The following CCSER1 variants were observed in gnomAD, a reference collection of about 807,000 sequenced individuals.
CCSER1 encodes coiled-coil serine rich protein 1.
CCSER1 carries 41 observed loss-of-function variants against 82.0 expected under a neutral mutation model. The ratio of observed to expected loss-of-function variants is 0.50; its 90% confidence interval spans 0.39 to 0.65. CCSER1 has a LOEUF of 0.65. Among genes scored for constraint, CCSER1 ranks in the 30% least tolerant of loss-of-function variants. The pLI, the probability that CCSER1 is intolerant of heterozygous loss-of-function variation, is 0.00. For synonymous variants in CCSER1, 414 were observed against 383.9 expected (o/e 1.08, Z -0.92); for missense variants, 1,119 against 1,064.2 (o/e 1.05, Z -0.72).
At chr4:90,478,645 A>G (rs958262925) in intron 5 of CCSER1, among the ~76,000 whole-genome samples, 3 of 152,148 alleles carry the variant, frequency 2.0e-5, no homozygotes, top group South Asian at 2.1e-4. Flanking sequence ...TGCAAGCTAC[A>G]GGTCAGACAA....
chr4:91,189,053 G>A (rs542956609), intron 10 of CCSER1, among the ~76,000 whole-genome samples: 5 of 152,072 alleles, frequency 3.3e-5, no homozygotes, highest in East Asian at 1.9e-4. Flanking sequence ...CAAACCTCCC[G>A]AACGGTATAT....
At chr4:90,931,000 A>G (rs927899987) in intron 9 of CCSER1, among the ~76,000 whole-genome samples, 2 of 145,560 alleles carry the variant, frequency 1.4e-5, no homozygotes, top group Non-Finnish European at 3.0e-5. Flanking sequence ...ACATACACAC[A>G]TAAATATCCT....
intron 10 of CCSER1, among the ~76,000 whole-genome samples, chr4:91,586,909 A>T (rs1407168268): frequency 6.6e-6 from 1 of 151,760 alleles, no homozygotes; most frequent in African/African-American, 2.4e-5. Flanking sequence ...TGAATCACTC[A>T]TTGTATTTAT....
intron 10 of CCSER1, among the ~76,000 whole-genome samples, chr4:91,207,734 G>A (rs1341988087): frequency 6.6e-6 from 1 of 151,790 alleles, no homozygotes; most frequent in Non-Finnish European, 1.5e-5. Context: ...CTATTCCTTT[G>A]GGTATATACC....
At chr4:91,025,103 C>G (rs997561529) in intron 9 of CCSER1, among the ~76,000 whole-genome samples, 8 of 152,036 alleles carry the variant, frequency 5.3e-5, no homozygotes, top group Non-Finnish European at 7.4e-5. Flanking sequence ...TTTTACAAAG[C>G]CTTTGTAGGA....
chr4:91,118,317 G>C (rs1486495103), intron 10 of CCSER1, among the ~76,000 whole-genome samples: 1 of 135,568 alleles, frequency 7.4e-6, no homozygotes, highest in Non-Finnish European at 1.5e-5. Flanking sequence ...ACGAGGTCTC[G>C]TTCTGTTGCT....
chr4:90,411,462 G>C (rs887252692), intron 4 of CCSER1, among the ~76,000 whole-genome samples: 14 of 152,172 alleles, frequency 9.2e-5, no homozygotes, highest in African/African-American at 3.4e-4. Context: ...TGCAAGGCTG[G>C]TTCAACATAC....
rs766972978 is a variant in CCSER1, at chr4:90,636,980, G to A, written c.1932+8748G>A. Among the ~76,000 whole-genome samples, 33 of 152,114 alleles carry A rather than the reference G, an allele frequency of 2.2e-4. 1 individual carries two copies. Among genetic ancestry groups the A allele is most frequent in the African/African-American group, 4.8e-5 (2 of 41,434 alleles). ...GACAGAATTAGCAGTAAATTTAATA[G>A]CATTGAAGAATATAAAGTTGTCATA... On this transcript the variant is annotated intron_variant, in intron 6 of 10. Coordinates refer to ENST00000509176, the MANE Select transcript of CCSER1 (RefSeq NM_001145065.2).
intron 5 of CCSER1, among the ~76,000 whole-genome samples, chr4:90,516,608 C>T (rs1311789150): frequency 6.6e-6 from 1 of 152,160 alleles, no homozygotes; most frequent in Non-Finnish European, 1.5e-5. Context: ...TCTGCCCTTT[C>T]ATCTCCTAAT....
intron 8 of CCSER1, among the ~76,000 whole-genome samples, chr4:90,818,421 G>A (rs1759313782): frequency 6.6e-6 from 1 of 151,878 alleles, no homozygotes; most frequent in Admixed American, 6.6e-5. Context: ...GGGACCACAG[G>A]CACACGCCAC....
chr4:90,719,259 G>A (rs1412542574), intron 6 of CCSER1, among the ~76,000 whole-genome samples: 1 of 152,046 alleles, frequency 6.6e-6, no homozygotes, highest in Admixed American at 6.6e-5. Flanking sequence ...AGGTTTGAAT[G>A]CTCCTTATGA....
At chr4:91,152,787 TG>T (rs1730374762) in intron 10 of CCSER1, among the ~76,000 whole-genome samples, 1 of 148,892 alleles carries the variant, frequency 6.7e-6, no homozygotes, top group Non-Finnish European at 1.5e-5. Context: ...AAGCTTAGTT[TG>T]GCTGGTTATG....
In CCSER1 at chr4:91,278,532, C is replaced by T. The variant is rs950632715; in HGVS notation, c.2217+192538C>T. ...GTTTGCATGGAGTATCTTTTTCCGT[C>T]TCTTTATTTTCTGTCTGTATGTGTC... On this transcript the variant is annotated intron_variant, in intron 10 of 10. Coordinates refer to ENST00000509176, the MANE Select transcript of CCSER1 (RefSeq NM_001145065.2). Among the ~76,000 whole-genome samples the T allele has an allele frequency of 2.6e-5, 4 of 151,970 alleles. No individual in the cohort carries two copies. The South Asian group carries it at 8.3e-4, about 32-fold the overall frequency.
intron 10 of CCSER1, among the ~76,000 whole-genome samples, chr4:91,135,833 A>G (rs1022959688): frequency 3.9e-5 from 6 of 152,198 alleles, no homozygotes; most frequent in African/African-American, 9.6e-5. Context: ...CAACTTCGCT[A>G]TAAGTTTATT....
intron 10 of CCSER1, among the ~76,000 whole-genome samples, chr4:91,520,915 C>A (rs146437837): frequency 0.018 from 2,716 of 151,966 alleles, 38 homozygotes; most frequent in Non-Finnish European, 0.028. Flanking sequence ...ACTTTAAGTT[C>A]GAGGGTACAT....
chr4:90,189,206 C>T (rs1735172486), intron 1 of CCSER1, among the ~76,000 whole-genome samples: 1 of 151,924 alleles, frequency 6.6e-6, no homozygotes, highest in Admixed American at 6.6e-5. Context: ...TTAGAAGGTA[C>T]TCATAGAAGC....
At chr4:91,553,944 G>GT (rs1214257308) in intron 10 of CCSER1, among the ~76,000 whole-genome samples, 1 of 150,218 alleles carries the variant, frequency 6.7e-6, no homozygotes, top group Non-Finnish European at 1.5e-5. Flanking sequence ...TTTCAGCTTG[G>GT]TTTTTTCTTT....
At chr4:91,212,813 G>A (rs1736926885) in intron 10 of CCSER1, among the ~76,000 whole-genome samples, 1 of 151,992 alleles carries the variant, frequency 6.6e-6, no homozygotes, top group African/African-American at 2.4e-5. Flanking sequence ...GCTGAGGTTT[G>A]GGGATATGAA....
At chr4:91,379,123 C>G (rs183352965) in intron 10 of CCSER1, among the ~76,000 whole-genome samples, 1 of 152,262 alleles carries the variant, frequency 6.6e-6, no homozygotes, top group African/African-American at 2.4e-5. Context: ...GGTGGATGAG[C>G]TTTTTGATGT....
Sources: allele counts gnomAD v4.1 joint callset (sites outside exome capture counted in the v4.1 genomes callset), GRCh38; gene constraint gnomAD v4.1.1; transcripts MANE v1.5; gene names NCBI Gene and HGNC (gene_info 2026-07-23, HGNC 2026-07-21).